Variants in GNA12 observed in about 807,000 individuals in gnomAD.
GNA12 encodes the protein G protein subunit alpha 12, also known as guanine nucleotide-binding protein subunit alpha-12.
GNA12 carries 9 observed loss-of-function variants against 26.0 expected under a neutral mutation model. The observed-to-expected ratio is 0.35, with a 90% CI of 0.21 to 0.60. The LOEUF is 0.60. Ranked by LOEUF, GNA12 falls within the 20% of genes least tolerant of loss-of-function variation. GNA12 has a pLI of 0.78. For missense variants in GNA12, 405 were observed against 525.8 expected (o/e 0.77, Z 2.25); for synonymous variants, 264 against 219.6 (o/e 1.20, Z -1.79).
intron 2 of GNA12, among the ~76,000 whole-genome samples, chr7:2,742,234 G>A (rs565776578): frequency 1.1e-4 from 16 of 152,052 alleles, no homozygotes; most frequent in African/African-American, 3.9e-4. Context: ...ATTTTGGCCA[G>A]GCTGGTCTTG....
chr7:2,840,606 C>T (rs972820291), intron 1 of GNA12, among the ~76,000 whole-genome samples: 2 of 152,176 alleles, frequency 1.3e-5, no homozygotes, highest in African/African-American at 4.8e-5. Context: ...CACATGTAAT[C>T]CCAGCACTTT....
chr7:2,745,252 T>A (rs1007611887), intron 2 of GNA12, among the ~76,000 whole-genome samples: 4 of 152,156 alleles, frequency 2.6e-5, no homozygotes, highest in Non-Finnish European at 5.9e-5. Context: ...GGAAAAAATG[T>A]TAAGGGCAGC....
At chr7:2,786,190 T>C (rs1792357235) in intron 2 of GNA12, among the ~76,000 whole-genome samples, 1 of 152,234 alleles carries the variant, frequency 6.6e-6, no homozygotes, top group African/African-American at 2.4e-5. Flanking sequence ...CGCTCACCAA[T>C]GCCAGTCTCC....
intron 1 of GNA12, among the ~76,000 whole-genome samples, chr7:2,804,985 T>C (rs536053857): frequency 6.6e-6 from 1 of 152,276 alleles, no homozygotes; most frequent in Non-Finnish European, 1.5e-5. Flanking sequence ...AAACATGATG[T>C]GTGCAGCGCA....
chr7:2,752,321 T>A (rs1583237054), intron 2 of GNA12, among the ~76,000 whole-genome samples: 3 of 152,190 alleles, frequency 2.0e-5, no homozygotes, highest in Non-Finnish European at 1.5e-5. Context: ...ATGAAAACCA[T>A]GCAACTAACA....
At chr7:2,826,018 A>T (rs1178534856) in intron 1 of GNA12, among the ~76,000 whole-genome samples, 10 of 152,132 alleles carry the variant, frequency 6.6e-5, no homozygotes. Flanking sequence ...GTGGAGCAAC[A>T]GGAACTCTCA....
At chr7:2,745,043 T>A (rs996852229) in intron 2 of GNA12, among the ~76,000 whole-genome samples, 7 of 152,214 alleles carry the variant, frequency 4.6e-5, no homozygotes, top group Non-Finnish European at 1.0e-4. Flanking sequence ...CTACATCTGA[T>A]TGGTGTACCT....
intron 2 of GNA12, among the ~76,000 whole-genome samples, chr7:2,789,130 A>ATTTTT (rs1583283001): frequency 4.0e-5 from 3 of 74,160 alleles, no homozygotes; most frequent in African/African-American, 1.4e-4. Flanking sequence ...CCCTTCAGGC[A>ATTTTT]TCTTTTTTTT....
At chr7:2,763,043 C>T (rs895979222) in intron 2 of GNA12, 1 of 1,248,142 alleles carries the variant, frequency 8.0e-7, no homozygotes, top group Non-Finnish European at 1.0e-6. Flanking sequence ...CTCAGCGTGC[C>T]GTTCCTCCAG....
intron 1 of GNA12, among the ~76,000 whole-genome samples, chr7:2,820,225 G>A (rs1385542535): frequency 5.3e-5 from 8 of 152,174 alleles, no homozygotes; most frequent in African/African-American, 1.9e-4. Flanking sequence ...CCGGGGCTGG[G>A]GCTGGGGCAG....
Position 2,843,838 on chromosome 7 carries a change from G to C in GNA12, c.309+15C>G. The C allele has an allele frequency of 7.0e-7, 1 of 1,430,630 alleles. No homozygotes were observed. Among genetic ancestry groups the C allele is most frequent in the African/African-American group, 1.5e-5 (1 of 68,074 alleles). 88.6% of individuals were successfully genotyped at this position (1,430,630 alleles called of 1,614,324 possible). A position where few individuals can be genotyped will look rare whatever the true frequency, so the allele number is the denominator to read the frequency against. On this transcript the variant is annotated intron_variant, in intron 1 of 3. Transcript: ENST00000275364. The stretch of plus-strand genomic sequence containing the variant: ...CCCACCTGGGTGCAGGTGCTGGGCG[G>C]GGGGCGCGCGTCACCTTGAGGATGT...
intron 1 of GNA12, among the ~76,000 whole-genome samples, chr7:2,817,216 C>T (rs1010786682): frequency 2.0e-5 from 3 of 152,272 alleles, no homozygotes; most frequent in Admixed American, 6.5e-5. Flanking sequence ...AGCGATTCTC[C>T]TGTCTCAGCC....
intron 1 of GNA12, among the ~76,000 whole-genome samples, chr7:2,803,335 C>T (rs180853093): frequency 3.9e-5 from 6 of 152,238 alleles, no homozygotes; most frequent in East Asian, 3.9e-4. Flanking sequence ...AGGGGACGAT[C>T]GAGGGCTTTG....
chr7:2,733,725 T>C (rs1329449133), intron 2 of GNA12, among the ~76,000 whole-genome samples: 1 of 152,190 alleles, frequency 6.6e-6, no homozygotes, highest in African/African-American at 2.4e-5. Flanking sequence ...AGGTTCAAAT[T>C]CTGGCTGTTT....
intron 2 of GNA12, among the ~76,000 whole-genome samples, chr7:2,743,365 T>A (rs997853991): frequency 6.6e-6 from 1 of 152,140 alleles, no homozygotes; most frequent in East Asian, 1.9e-4. Flanking sequence ...ACCCAAGATA[T>A]AATTAAATTA....
intron 2 of GNA12, among the ~76,000 whole-genome samples, chr7:2,737,868 A>C (rs1382930800): frequency 6.6e-6 from 1 of 152,206 alleles, no homozygotes; most frequent in Non-Finnish European, 1.5e-5. Flanking sequence ...ACGCTAGCCA[A>C]ACAACAGAGA....
rs146166168 is a variant in GNA12 at position 2,777,435 on chromosome 7, C to T, written c.525+17493G>A. On this transcript the variant is annotated intron_variant, in intron 2 of 3. Transcript: ENST00000275364. ...AAATGTATACTTCACAATATCACAACACTGTTATGAATGGAATGGCTGTGC... is the reference window on the plus strand; with the variant it reads ...AAATGTATACTTCACAATATCACAATACTGTTATGAATGGAATGGCTGTGC... Among the ~76,000 whole-genome samples the T allele has an allele frequency of 8.5e-5, 13 of 152,348 alleles. No individual in the cohort carries two copies. In the East Asian group the frequency reaches 1.9e-3, roughly 23 times the overall value.
chr7:2,809,418 ACAT>A (rs1279591077), intron 1 of GNA12, among the ~76,000 whole-genome samples: 2 of 152,128 alleles, frequency 1.3e-5, no homozygotes, highest in Non-Finnish European at 2.9e-5. Flanking sequence ...CACAAACCAA[ACAT>A]CATTAGCGTT....
In GNA12 at chr7:2,829,314, G is replaced by C. The variant is rs189763200; in HGVS notation, c.309+14539C>G. 1.2e-3 allele frequency among the ~76,000 whole-genome samples: 190 copies of C among 152,254 alleles called. 1 individual carries two copies. The highest frequency in any genetic ancestry group is 3.8e-3 in the African/African-American group (159 of 41,538). On this transcript the variant is annotated intron_variant, in intron 1 of 3. Transcript: ENST00000275364. ...CTGTCGGAGAGATAAGAAAAACTAA[G>C]GCTTCTTTAAACACTGAGGTTTAGG...
Sources: allele counts gnomAD v4.1 joint callset (sites outside exome capture counted in the v4.1 genomes callset), GRCh38; gene constraint gnomAD v4.1.1; transcripts MANE v1.5; gene names NCBI Gene and HGNC (gene_info 2026-07-23, HGNC 2026-07-21).